The following LGR4 variants were observed in gnomAD, a reference collection of about 807,000 sequenced individuals.
LGR4 encodes the protein leucine rich repeat containing G protein-coupled receptor 4.
LGR4 carries 44 observed loss-of-function variants against 84.8 expected under a neutral mutation model. The observed-to-expected ratio is 0.52, with a 90% confidence interval of 0.41 to 0.67. The LOEUF (loss-of-function observed/expected upper bound fraction) is 0.67. Ranked by LOEUF, LGR4 falls within the 30% of genes least tolerant of loss-of-function variation. The pLI is 0.00. For synonymous variants in LGR4, 429 were observed against 434.3 expected (o/e 0.99, Z 0.15); for missense variants, 1,032 against 1,131.4 (o/e 0.91, Z 1.26).
rs148613380 is a variant in LGR4 at position 27,461,084 on chromosome 11, T to C, written c.185+11034A>G. On this transcript the variant is annotated intron_variant, in intron 1 of 17. Coordinates refer to ENST00000379214, the MANE Select transcript of LGR4 (RefSeq NM_018490.5). ...TTAGTTTCTGAGAAAGATTTAACCG[T>C]GCTTAAGAATGTCATATAAACTTTT... Among the ~76,000 whole-genome samples, 398 of 152,324 alleles carry C rather than the reference T, an allele frequency of 2.6e-3. 3 individuals carry two copies. Among genetic ancestry groups the C allele is most frequent in the African/African-American group, 8.8e-3 (367 of 41,580 alleles).
chr11:27,432,101 T>G (rs1267934456), intron 1 of LGR4, among the ~76,000 whole-genome samples: 4 of 152,156 alleles, frequency 2.6e-5, no homozygotes, highest in East Asian at 1.9e-4. Context: ...CTGATCTACA[T>G]AGCAGAGCAT....
At chr11:27,433,791 C>T (rs1227733558) in intron 1 of LGR4, among the ~76,000 whole-genome samples, 1 of 152,158 alleles carries the variant, frequency 6.6e-6, no homozygotes, top group Non-Finnish European at 1.5e-5. Flanking sequence ...GGTGGTTCAA[C>T]TTCTGGGTTA....
chr11:27,378,702 C>G lies in LGR4; in HGVS notation c.1038G>C (p.Arg346Ser), dbSNP rs1296666966. The G allele has an allele frequency of 1.2e-6, 2 of 1,603,814 alleles. No individual in the cohort carries two copies. Among genetic ancestry groups the G allele is most frequent in the Non-Finnish European group, 8.5e-7 (1 of 1,171,286 alleles). The change falls in exon 11 of 18, where the codon AGG becomes AGC. Residue 346 changes from arginine (R) to serine (S), a missense_variant. By Grantham distance (110) the Arg-to-Ser change is moderately radical. Coordinates refer to ENST00000379214, the MANE Select transcript of LGR4 (RefSeq NM_018490.5). ...GGAAGAAGAATCCAACTTACAAAGT[C>G]CTAAGCATCTTTTGTTCTTGACACA... ...NNLCQEQKMLRTLDLSYNNIR... is the reference protein window; with the variant it reads ...NNLCQEQKMLSTLDLSYNNIR...
At chr11:27,414,794 A>G (rs1863781262) in intron 1 of LGR4, among the ~76,000 whole-genome samples, 2 of 152,218 alleles carry the variant, frequency 1.3e-5, no homozygotes, top group South Asian at 4.1e-4. Flanking sequence ...ACTGCCACAT[A>G]GCCATTGTAC....
chr11:27,372,434 C>A (rs1862904953), intron 15 of LGR4, 36 bp from the exon 16 acceptor site: 1 of 1,128,376 alleles, frequency 8.9e-7, no homozygotes, highest in Non-Finnish European at 1.4e-6. Context: ...CACTGAACAG[C>A]AACTCCGCAG....
intron 1 of LGR4, among the ~76,000 whole-genome samples, chr11:27,418,756 T>C (rs1283931451): frequency 1.3e-5 from 2 of 152,032 alleles, no homozygotes; most frequent in Non-Finnish European, 2.9e-5. Context: ...ATCTTAGAAA[T>C]GAATTTAAAA....
chr11:27,403,320 G>T (rs115032978), intron 2 of LGR4, among the ~76,000 whole-genome samples: 7,399 of 152,204 alleles, frequency 0.049, 204 homozygotes, highest in Middle Eastern at 0.095. Flanking sequence ...AATTAGCTGG[G>T]CATGGTGGCA....
At chr11:27,427,375 G>A (rs1864041934) in intron 1 of LGR4, among the ~76,000 whole-genome samples, 1 of 152,116 alleles carries the variant, frequency 6.6e-6, no homozygotes, top group East Asian at 1.9e-4. Flanking sequence ...AAGAACAGCT[G>A]GCATGAAGGT....
intron 1 of LGR4, among the ~76,000 whole-genome samples, chr11:27,413,371 G>C (rs1054324357): frequency 4.6e-5 from 7 of 152,118 alleles, no homozygotes; most frequent in African/African-American, 1.7e-4. Context: ...TTCCGCCTAT[G>C]AACAGATGCA....
intron 1 of LGR4, among the ~76,000 whole-genome samples, chr11:27,446,726 A>G (rs572667798): frequency 6.6e-6 from 1 of 152,326 alleles, no homozygotes; most frequent in Admixed American, 6.5e-5. Flanking sequence ...CTATAAAGAC[A>G]CATGCACACG....
At chr11:27,409,981 A>G (rs1210135970) in intron 2 of LGR4, among the ~76,000 whole-genome samples, 1 of 152,180 alleles carries the variant, frequency 6.6e-6, no homozygotes, top group Non-Finnish European at 1.5e-5. Flanking sequence ...GTCCAATAGA[A>G]CTTTCTGCAA....
intron 6 of LGR4, among the ~76,000 whole-genome samples, chr11:27,384,046 C>A (rs1863145131): frequency 6.6e-6 from 1 of 152,158 alleles, no homozygotes; most frequent in Admixed American, 6.5e-5. Flanking sequence ...AACTGTCATA[C>A]ATTTAACAAA....
chr11:27,381,421 A>G (rs368116714), intron 7 of LGR4, among the ~76,000 whole-genome samples: 33 of 152,322 alleles, frequency 2.2e-4, no homozygotes, highest in African/African-American at 7.7e-4. Flanking sequence ...CAGGCAGGGC[A>G]CAGTGGCTCA....
intron 1 of LGR4, among the ~76,000 whole-genome samples, chr11:27,424,206 T>G (rs567496293): frequency 6.6e-6 from 1 of 152,108 alleles, no homozygotes; most frequent in African/African-American, 2.4e-5. Flanking sequence ...CTAATTCACT[T>G]ACATACACAC....
Position 27,390,973 on chromosome 11 carries a change from T to C in LGR4, c.401+121A>G, listed in dbSNP as rs113649398. ...GGACGTTTTGATAACATTGACTAGC[T>C]ATCTCTGTTTTTATCTCAGATGAAA... On this transcript the variant is annotated intron_variant, in intron 4 of 17. Coordinates refer to ENST00000379214, the MANE Select transcript of LGR4 (RefSeq NM_018490.5). 3,355 of 620,600 alleles carry C rather than the reference T, an allele frequency of 5.4e-3. 17 individuals are homozygous for C. Among genetic ancestry groups the C allele is most frequent in the Middle Eastern group, 0.012 (40 of 3,470 alleles). The allele number at this position is 620,600 out of a possible 1,614,324, so 38.4% of individuals were successfully genotyped here. A position where few individuals can be genotyped will look rare whatever the true frequency, so the allele number is the denominator to read the frequency against.
intron 1 of LGR4, among the ~76,000 whole-genome samples, chr11:27,452,999 T>C (rs1864513228): frequency 6.6e-6 from 1 of 152,136 alleles, no homozygotes; most frequent in Admixed American, 6.6e-5. Context: ...TTTTATCTTT[T>C]ATTTTCTTTT....
At chr11:27,381,573 C>A (rs1169492662) in intron 7 of LGR4, among the ~76,000 whole-genome samples, 1 of 152,050 alleles carries the variant, frequency 6.6e-6, no homozygotes, top group South Asian at 2.1e-4. Flanking sequence ...TCCCAGCTAC[C>A]CAGGAAGCTA....
chr11:27,444,502 T>C (rs1255772925), intron 1 of LGR4, among the ~76,000 whole-genome samples: 2 of 152,126 alleles, frequency 1.3e-5, no homozygotes, highest in African/African-American at 4.8e-5. Flanking sequence ...CAAGTTGGAA[T>C]TGAATCTACT....
chr11:27,433,734 C>A (rs1663119541), intron 1 of LGR4, among the ~76,000 whole-genome samples: 1 of 152,176 alleles, frequency 6.6e-6, no homozygotes, highest in Non-Finnish European at 1.5e-5. Context: ...CCGTTATTTG[C>A]TTTATGCTTC....
Sources: gnomAD v4.1 joint callset for allele counts (sites outside exome capture counted in the v4.1 genomes callset) on GRCh38, gnomAD v4.1.1 for gene constraint, MANE v1.5 for transcripts, NCBI Gene and HGNC (gene_info 2026-07-23, HGNC 2026-07-21) for gene names.